Variants in UBE2O observed in about 807,000 individuals in gnomAD.
UBE2O encodes ubiquitin conjugating enzyme E2 O.
A neutral mutation model predicts 125.8 loss-of-function variants in UBE2O; 15 were observed. The ratio of observed to expected loss-of-function variants is 0.12; its 90% CI spans 0.08 to 0.18. UBE2O has a LOEUF of 0.18. UBE2O is among the 10% of genes least tolerant of loss of function. The pLI, the probability that UBE2O is intolerant of heterozygous loss-of-function variation, is 1.00. For synonymous variants in UBE2O, 708 were observed against 703.2 expected, an observed-to-expected ratio of 1.01 and a Z score of -0.11; for missense variants, 1,280 against 1,723.6, an observed-to-expected ratio of 0.74 and a Z score of 4.56.
At chr17:76,445,581 T>C (rs1439491257) in intron 1 of UBE2O, among the ~76,000 whole-genome samples, 5 of 152,268 alleles carry the variant, frequency 3.3e-5, no homozygotes, top group Admixed American at 2.0e-4. Context: ...AGCCTACCTG[T>C]GTCTAGGGGT....
rs184426020 is a variant in UBE2O at position 76,404,299 on chromosome 17, A to G, written c.588+907T>C. On this transcript the variant is annotated intron_variant, in intron 3 of 17. Coordinates refer to ENST00000319380, the MANE Select transcript of UBE2O (RefSeq NM_022066.4). The surrounding 1 kb of genome is among the most constrained non-coding windows in gnomAD (Gnocchi z 4.3). ...GTGGACACCAACATGACCAGGGGTA[A>G]AAGTGAACAACCCCAGCACTTTGGC... Among the ~76,000 whole-genome samples, 40 of 152,342 alleles carry G rather than the reference A, an allele frequency of 2.6e-4. No individual in the cohort carries two copies. Among genetic ancestry groups the G allele is most frequent in the African/African-American group, 9.6e-4 (40 of 41,572 alleles).
chr17:76,446,849 T>C (rs949143561), intron 1 of UBE2O, among the ~76,000 whole-genome samples: 8 of 152,162 alleles, frequency 5.3e-5, no homozygotes, highest in African/African-American at 1.9e-4. Context: ...ACTACAGAGG[T>C]TGCTTCATTC....
chr17:76,452,710 C>A lies in UBE2O; in HGVS notation c.417+15G>T. 1 of 1,384,910 alleles carries A rather than the reference C, an allele frequency of 7.2e-7. No homozygotes were observed. 85.8% of individuals were successfully genotyped at this position (1,384,910 alleles called of 1,614,324 possible). ...CCCCCTGCCGCCCGCGCCGCCCAGC[C>A]CCCGCCCGCCGCACCTTGGTCTCCT... On this transcript the variant is annotated intron_variant, in intron 1 of 17. Coordinates refer to ENST00000319380, the MANE Select transcript of UBE2O (RefSeq NM_022066.4). The surrounding 1 kb of genome is among the most constrained non-coding windows in gnomAD (Gnocchi z 4.4).
At chr17:76,406,065 G>A (rs966185690) in intron 1 of UBE2O, among the ~76,000 whole-genome samples, 2 of 152,204 alleles carry the variant, frequency 1.3e-5, no homozygotes, top group Non-Finnish European at 2.9e-5. Flanking sequence ...GGCTATCACC[G>A]GACACCATGT....
chr17:76,419,032 C>G (rs544575688), intron 1 of UBE2O, among the ~76,000 whole-genome samples: 34 of 152,060 alleles, frequency 2.2e-4, no homozygotes, highest in African/African-American at 7.0e-4. Context: ...GCTGTAATAC[C>G]AGTACTTTGA....
chr17:76,402,120 T>C lies in UBE2O; in HGVS notation c.694A>G (p.Met232Val). Residue 232 changes from methionine (M) to valine (V), a missense_variant, in exon 5 of 18, where the codon ATG (methionine) becomes GTG (valine). Around this residue, in one of 10 missense-constraint regions of UBE2O, gnomAD observed 206 missense variants for 315.7 expected, o/e 0.65. Coordinates refer to ENST00000319380, the MANE Select transcript of UBE2O (RefSeq NM_022066.4). This position sits in a 1 kb window ranked among gnomAD's most constrained non-coding sequence, Gnocchi z 5.4. ...LKLSNGARCSMNTEDGAKLYD... is the reference protein window; with the variant it reads ...LKLSNGARCSVNTEDGAKLYD... ...AGCTTGGCGCCATCTTCCGTGTTCA[T>C]GGAGCACCTAAAACAGAGAACAGAG... 2 of 1,613,668 alleles carry C rather than the reference T, an allele frequency of 1.2e-6. No individual in the cohort carries two copies. Among genetic ancestry groups the C allele is most frequent in the African/African-American group, 1.3e-5 (1 of 75,028 alleles).
chr17:76,441,743 GATTA>G (rs2073077651), intron 1 of UBE2O, among the ~76,000 whole-genome samples: 1 of 152,184 alleles, frequency 6.6e-6, no homozygotes, highest in Non-Finnish European at 1.5e-5. Context: ...AAAAGTGCTG[GATTA>G]GAATCCATTT....
At chr17:76,426,715 C>T (rs1172201290) in intron 1 of UBE2O, among the ~76,000 whole-genome samples, 1 of 152,120 alleles carries the variant, frequency 6.6e-6, no homozygotes, top group Non-Finnish European at 1.5e-5. Flanking sequence ...CAAATCACCC[C>T]CTCACTGATT....
rs1009824305 is a variant in UBE2O at position 76,418,629 on chromosome 17, G to A, written c.418-13057C>T. 4.0e-5 allele frequency among the ~76,000 whole-genome samples: 6 copies of A among 151,676 alleles called. No individual in the cohort carries two copies. The East Asian group carries it at 7.8e-4, about 20-fold the overall frequency. On this transcript the variant is annotated intron_variant, in intron 1 of 17. Coordinates refer to ENST00000319380, the MANE Select transcript of UBE2O (RefSeq NM_022066.4). ...CTGTCACCCAGGCTGGAGTGCAGTGGCGCGATCTCGGCTCACTGCAAGCTC... is the reference window on the plus strand; with the variant it reads ...CTGTCACCCAGGCTGGAGTGCAGTGACGCGATCTCGGCTCACTGCAAGCTC...
chr17:76,438,825 T>C (rs1230754310), intron 1 of UBE2O, among the ~76,000 whole-genome samples: 2 of 151,982 alleles, frequency 1.3e-5, no homozygotes, highest in Non-Finnish European at 2.9e-5. Flanking sequence ...TTCCGGGTCA[T>C]TTTGTGTGAG....
chr17:76,421,585 G>A (rs561995704), intron 1 of UBE2O, among the ~76,000 whole-genome samples: 1 of 152,032 alleles, frequency 6.6e-6, no homozygotes, highest in Non-Finnish European at 1.5e-5. Context: ...GGCTGGTCTT[G>A]AACTTCCGAC....
chr17:76,453,108 G>C lies in UBE2O; in HGVS notation c.34C>G (p.Pro12Ala). 1 of 887,638 alleles carries C rather than the reference G, an allele frequency of 1.1e-6. No homozygotes were observed. Among genetic ancestry groups the C allele is most frequent in the Non-Finnish European group, 1.5e-6 (1 of 648,480 alleles). 55.0% of individuals were successfully genotyped at this position (887,638 alleles called of 1,614,324 possible). A position where few individuals can be genotyped will look rare whatever the true frequency, so the allele number is the denominator to read the frequency against. ...GGAGCCGGGGCCTGGGCTGGAGCGG[G>C]AGCTGCGGGCGTGGGGGCTGCGGGA... ...ADPAAPTPAA[P>A]APAQAPAPAP... Residue 12 changes from proline (P) to alanine (A), a missense_variant, in exon 1 of 18, where the codon CCC (proline) becomes GCC (alanine). Physicochemically the swap from Pro to Ala is conservative, Grantham distance 27. Transcript: ENST00000319380.
chr17:76,390,827 G>GCAGT lies in UBE2O; in HGVS notation c.*112_*115dup, dbSNP rs796590444. 9 of 1,022,982 alleles carry GCAGT rather than the reference G, an allele frequency of 8.8e-6. No individual in the cohort carries two copies. The African/African-American group carries it at 1.4e-4, about 16-fold the overall frequency. The allele number at this position is 1,022,982 out of a possible 1,614,324, so 63.4% of individuals were successfully genotyped here. ...TCAAACTCACCTTGGGGAGAAGAGG[G>GCAGT]CAGTGGGTTTGCAGTGGGGACAGAG... On this transcript the variant is annotated 3_prime_UTR_variant, in exon 18 of 18. Coordinates refer to ENST00000319380, the MANE Select transcript of UBE2O (RefSeq NM_022066.4).
chr17:76,399,503 C>T lies in UBE2O; in HGVS notation c.1574G>A (p.Arg525His), dbSNP rs866338436. 2.0e-5 allele frequency: 32 copies of T among 1,614,086 alleles called. No homozygotes were observed. The highest frequency in any genetic ancestry group is 2.4e-5 in the Non-Finnish European group (28 of 1,180,048). ...TTTATTCTTCTTCCTCTTGTGTTTGCGCTTTAAGTTCTTGATGGACAAGGG... is the reference window on the plus strand; with the variant it reads ...TTTATTCTTCTTCCTCTTGTGTTTGTGCTTTAAGTTCTTGATGGACAAGGG... Reference protein sequence around the residue: ...SIPLSIKNLKRKHKRKKNKIT... With the variant: ...SIPLSIKNLKHKHKRKKNKIT... Residue 525 changes from arginine (R) to histidine (H), a missense_variant, in exon 9 of 18, where the codon CGC becomes CAC. Transcript: ENST00000319380. The surrounding 1 kb of genome is among the most constrained non-coding windows in gnomAD (Gnocchi z 6.9).
In UBE2O at chr17:76,398,995, C is replaced by A. The variant is rs190443746; in HGVS notation, c.1629-4G>T. The stretch of plus-strand genomic sequence containing the variant: ...GGTCACCACCTCCACTGCCACCCTG[C>A]GGGTGCAGGCCAGTCAGCAGGCCAT... On this transcript the variant is annotated splice_region_variant and splice_polypyrimidine_tract_variant and intron_variant, in intron 9 of 17. Coordinates refer to ENST00000319380, the MANE Select transcript of UBE2O (RefSeq NM_022066.4). This position sits in a 1 kb window ranked among gnomAD's most constrained non-coding sequence, Gnocchi z 5.4. 2.5e-6 allele frequency: 4 copies of A among 1,613,046 alleles called. No individual in the cohort carries two copies. Among genetic ancestry groups the A allele is most frequent in the East Asian group, 2.2e-5 (1 of 44,902 alleles).
Position 76,395,427 on chromosome 17 carries a change from C to T in UBE2O, c.2946+298G>A, listed in dbSNP as rs572302619. 1.7e-5 allele frequency: 4 copies of T among 237,824 alleles called. No individual in the cohort carries two copies. The highest frequency in any genetic ancestry group is 9.4e-5 in the South Asian group (1 of 10,598). 14.7% of individuals were successfully genotyped at this position (237,824 alleles called of 1,614,324 possible). A position where few individuals can be genotyped will look rare whatever the true frequency, so the allele number is the denominator to read the frequency against. On this transcript the variant is annotated intron_variant, in intron 15 of 17. Transcript: ENST00000319380. The surrounding 1 kb of genome is among the most constrained non-coding windows in gnomAD (Gnocchi z 5.0). The stretch of plus-strand genomic sequence containing the variant: ...CAGGATGGTCTCGATCTCCTGACCT[C>T]GTGATCCACCCACCTCGGCCTCCCA...
intron 1 of UBE2O, among the ~76,000 whole-genome samples, chr17:76,432,032 T>C (rs1450982014): frequency 6.6e-6 from 1 of 152,178 alleles, no homozygotes; most frequent in Non-Finnish European, 1.5e-5. Flanking sequence ...AAAATTAGAT[T>C]AGATTCTTAA....
chr17:76,434,794 T>TTTTA (rs768934042), intron 1 of UBE2O, among the ~76,000 whole-genome samples: 2 of 133,700 alleles, frequency 1.5e-5, no homozygotes, highest in African/African-American at 2.7e-5. Context: ...TTTTTTTTTT[T>TTTTA]AAAAAAACAA....
At chr17:76,394,855 T>C (rs1598580226) in intron 15 of UBE2O, among the ~76,000 whole-genome samples, 1 of 151,792 alleles carries the variant, frequency 6.6e-6, no homozygotes, top group East Asian at 2.0e-4. Flanking sequence ...TGAGGAGTAA[T>C]CATAATATAA....
Sources: gnomAD v4.1 joint callset for allele counts (sites outside exome capture counted in the v4.1 genomes callset) on GRCh38, gnomAD v4.1.1 for gene constraint, gnomAD v4.1.1 regional missense constraint, Gnocchi (gnomAD v3.1) non-coding constraint, MANE v1.5 for transcripts, NCBI Gene and HGNC (gene_info 2026-07-23, HGNC 2026-07-21) for gene names.